Variants in TNPO3 observed in about 807,000 individuals in gnomAD.
TNPO3 encodes the protein transportin-3.
In TNPO3, 65 loss-of-function variants were observed where a neutral mutation model predicts 122.8. The ratio of observed to expected loss-of-function variants is 0.53; its 90% CI spans 0.43 to 0.65. The LOEUF (loss-of-function observed/expected upper bound fraction) is 0.65, where lower values mean the gene tolerates loss of function less well. TNPO3 is among the 30% of genes least tolerant of loss of function. The pLI is 0.00. For synonymous variants in TNPO3, 372 were observed against 411.2 expected (o/e 0.90, Z 1.15); for missense variants, 850 against 1,136.7 (o/e 0.75, Z 3.63).
chr7:129,020,402 T>C (rs992973701), intron 1 of TNPO3, among the ~76,000 whole-genome samples: 5 of 152,218 alleles, frequency 3.3e-5, no homozygotes, highest in African/African-American at 9.6e-5. Flanking sequence ...TATGATTTAA[T>C]AGACCATCAG....
intron 4 of TNPO3, among the ~76,000 whole-genome samples, chr7:129,005,995 C>A (rs1418210115): frequency 1.3e-5 from 2 of 152,016 alleles, no homozygotes; most frequent in Non-Finnish European, 2.9e-5. Flanking sequence ...GTTGGCCAGA[C>A]TGGTCTCAAA....
chr7:129,052,944 T>C (rs922239206), intron 1 of TNPO3, among the ~76,000 whole-genome samples: 27 of 152,334 alleles, frequency 1.8e-4, no homozygotes, highest in South Asian at 4.1e-4. Context: ...CATATGTGAA[T>C]GATTTTCTTG....
In TNPO3 at chr7:129,000,510, A is replaced by G. The variant is rs750510910; in HGVS notation, c.930T>C (p.Ile310=). The change falls in exon 7 of 23, where the codon ATT becomes ATC. Residue 310 remains isoleucine (I), a synonymous_variant. Coordinates refer to ENST00000265388, the MANE Select transcript of TNPO3 (RefSeq NM_012470.4). ...TELCETFLEK[I]VCTPGQGLGD... is the part of the protein sequence containing the mutation. Reference sequence around the variant, plus strand: ...CAAGACCTTGGCCTGGAGTACAAACAATTTTTTCAAGAAAAGTTTCACATA... The same window carrying G: ...CAAGACCTTGGCCTGGAGTACAAACGATTTTTTCAAGAAAAGTTTCACATA... 5 of 1,614,100 alleles carry G rather than the reference A, an allele frequency of 3.1e-6. No individual in the cohort carries two copies. The highest frequency in any genetic ancestry group is 4.2e-6 in the Non-Finnish European group (5 of 1,179,996).
intron 1 of TNPO3, among the ~76,000 whole-genome samples, chr7:129,045,761 T>C (rs1401450741): frequency 3.9e-5 from 6 of 152,128 alleles, no homozygotes; most frequent in African/African-American, 1.4e-4. Flanking sequence ...AATCAAAATA[T>C]GGAGAAATGC....
intron 19 of TNPO3, 111 bp from the exon 20 acceptor site, chr7:128,970,426 GTGCA>G: frequency 2.9e-6 from 3 of 1,034,080 alleles, no homozygotes; most frequent in South Asian, 1.6e-5. Context: ...GTGTGTGTGT[GTGCA>G]CGCGTGGCTG....
intron 1 of TNPO3, among the ~76,000 whole-genome samples, chr7:129,040,254 CAAAAAAA>C (rs57306586): frequency 3.8e-5 from 3 of 79,558 alleles, no homozygotes; most frequent in African/African-American, 1.3e-4. Context: ...GACGCCATCT[CAAAAAAA>C]AAAAAAAAAG....
At chr7:128,972,643 T>C (rs777388062) in intron 18 of TNPO3, 61 bp from the exon 19 acceptor site, 20 of 1,499,658 alleles carry the variant, frequency 1.3e-5, no homozygotes, top group Non-Finnish European at 1.6e-5. Flanking sequence ...GCAGCCAGGG[T>C]AAAAGGGCAA....
chr7:129,050,676 A>G (rs1464597757), intron 1 of TNPO3, among the ~76,000 whole-genome samples: 1 of 152,166 alleles, frequency 6.6e-6, no homozygotes, highest in Non-Finnish European at 1.5e-5. Flanking sequence ...TAAAACCTAC[A>G]TACTTAGTTG....
At chr7:128,988,380 GA>G (rs1340414456) in intron 11 of TNPO3, among the ~76,000 whole-genome samples, 1 of 151,896 alleles carries the variant, frequency 6.6e-6, no homozygotes, top group Non-Finnish European at 1.5e-5. Flanking sequence ...CCACCAAAAA[GA>G]AAAAAACAAA....
chr7:128,958,137 CTTTTTTTTTTT>C (rs55683535), intron 21 of TNPO3, among the ~76,000 whole-genome samples: 5 of 96,202 alleles, frequency 5.2e-5, no homozygotes, highest in Admixed American at 1.3e-4. Context: ...GAAGCACTTC[CTTTTTTTTTTT>C]TTTTTTTTTT....
In TNPO3 at chr7:128,986,763, C is replaced by A; in HGVS notation, c.1656G>T (p.Leu552=). 3 of 1,613,760 alleles carry A rather than the reference C, an allele frequency of 1.9e-6. No individual in the cohort carries two copies. The highest frequency in any genetic ancestry group is 2.5e-6 in the Non-Finnish European group (3 of 1,179,868). ...LEIARSLDSF[L]LSPEAAVGLL... is the part of the protein sequence containing the mutation. ...AGCCCACAGCAGCTTCTGGAGACAACAGGAAGGAATCGAGGGAGCGGGCAA... is the reference window on the plus strand; with the variant it reads ...AGCCCACAGCAGCTTCTGGAGACAAAAGGAAGGAATCGAGGGAGCGGGCAA... Residue 552 remains leucine (L), a synonymous_variant, in exon 12 of 23, where the codon CTG becomes CTT. Coordinates refer to ENST00000265388, the MANE Select transcript of TNPO3 (RefSeq NM_012470.4).
intron 5 of TNPO3, among the ~76,000 whole-genome samples, chr7:129,001,499 T>C (rs1004489778): frequency 2.6e-5 from 4 of 152,200 alleles, no homozygotes; most frequent in African/African-American, 4.8e-5. Context: ...ATGCAAATAC[T>C]GCACCATTTT....
intron 20 of TNPO3, among the ~76,000 whole-genome samples, chr7:128,969,792 G>A (rs1434439364): frequency 3.9e-5 from 6 of 152,294 alleles, no homozygotes; most frequent in Non-Finnish European, 7.3e-5. Context: ...GAATAAGTCT[G>A]AAAGGATTAA....
chr7:128,984,319 G>A, intron 12 of TNPO3, 60 bp from the exon 13 acceptor site: 1 of 1,198,722 alleles, frequency 8.3e-7, no homozygotes. Flanking sequence ...AACTTAACTG[G>A]ACTACATCAT....
At chr7:129,044,108 T>C (rs1159452918) in intron 1 of TNPO3, among the ~76,000 whole-genome samples, 4 of 152,224 alleles carry the variant, frequency 2.6e-5, no homozygotes, top group African/African-American at 9.6e-5. Context: ...GGTAATTAAA[T>C]CTCTGAATGC....
chr7:128,975,715 A>G (rs1218742359), intron 17 of TNPO3, 104 bp downstream of exon 17: 3 of 743,774 alleles, frequency 4.0e-6, no homozygotes, highest in Admixed American at 2.3e-5. Flanking sequence ...TGCCTGGGGG[A>G]AAACATAAAG....
chr7:128,982,941 G>A (rs942588673), intron 13 of TNPO3, among the ~76,000 whole-genome samples: 4 of 152,160 alleles, frequency 2.6e-5, no homozygotes, highest in African/African-American at 4.8e-5. Flanking sequence ...TTCAGGCGTT[G>A]ATTGCTAACT....
At chr7:129,015,278 A>G (rs746232317) in intron 3 of TNPO3, 143 bp from the exon 4 acceptor site, 286 of 752,884 alleles carry the variant, frequency 3.8e-4, no homozygotes, top group Non-Finnish European at 5.5e-4. Context: ...ACAAACATAA[A>G]TGTCCTCCAT....
At chr7:129,049,686 A>G (rs1224667611) in intron 1 of TNPO3, among the ~76,000 whole-genome samples, 2 of 152,220 alleles carry the variant, frequency 1.3e-5, no homozygotes, top group African/African-American at 2.4e-5. Context: ...AAAAACACAT[A>G]AAGACAAAGA....
Sources: allele counts gnomAD v4.1 joint callset (sites outside exome capture counted in the v4.1 genomes callset), GRCh38; gene constraint gnomAD v4.1.1; transcripts MANE v1.5; gene names NCBI Gene and HGNC (gene_info 2026-07-23, HGNC 2026-07-21).